The following PTPRD variants were observed in gnomAD, a reference collection of about 807,000 sequenced individuals.
PTPRD encodes the protein receptor-type tyrosine-protein phosphatase delta.
A neutral mutation model predicts 214.5 loss-of-function variants in PTPRD; 34 were observed. The ratio of observed to expected loss-of-function variants is 0.16; its 90% confidence interval spans 0.12 to 0.21. The LOEUF is 0.21. Ranked by LOEUF, PTPRD falls within the 10% of genes least tolerant of loss-of-function variation. The pLI is 1.00. For synonymous variants in PTPRD, 1,128 were observed against 845.7 expected (o/e 1.33, Z -5.79); for missense variants, 2,545 against 2,398.7 (o/e 1.06, Z -1.27).
At chr9:8,327,124 G>T (rs1464157897) in intron 44 of PTPRD, among the ~76,000 whole-genome samples, 3 of 150,512 alleles carry the variant, frequency 2.0e-5, no homozygotes, top group Non-Finnish European at 4.4e-5. Flanking sequence ...TGATGTTAGG[G>T]TGTCGATTTT....
intron 14 of PTPRD, among the ~76,000 whole-genome samples, chr9:8,576,476 G>A (rs1351269752): frequency 6.6e-6 from 1 of 151,700 alleles, no homozygotes; most frequent in African/African-American, 2.4e-5. Context: ...TCACATTTTG[G>A]TTGTATTGTA....
chr9:8,937,116 C>T (rs1433548), intron 11 of PTPRD, among the ~76,000 whole-genome samples: 105,301 of 152,012 alleles, frequency 0.69, 36,802 homozygotes, highest in East Asian at 0.9. Flanking sequence ...GTATTGACTA[C>T]CTGAGAAAAA....
intron 8 of PTPRD, among the ~76,000 whole-genome samples, chr9:9,477,518 A>T (rs1052079101): frequency 3.9e-5 from 6 of 152,196 alleles, no homozygotes; most frequent in African/African-American, 1.4e-4. Flanking sequence ...CTGATTATTC[A>T]TTTCCACACA....
intron 11 of PTPRD, among the ~76,000 whole-genome samples, chr9:8,875,659 G>C (rs10977332): frequency 6.6e-6 from 1 of 151,992 alleles, no homozygotes; most frequent in Non-Finnish European, 1.5e-5. Context: ...GGATGCTCTT[G>C]TATATTATTA....
At chr9:10,096,646 G>A (rs542293483) in intron 3 of PTPRD, among the ~76,000 whole-genome samples, 23 of 152,010 alleles carry the variant, frequency 1.5e-4, no homozygotes, top group South Asian at 1.0e-3. Flanking sequence ...TTAGCCCTTT[G>A]TCAGATGAGT....
intron 9 of PTPRD, among the ~76,000 whole-genome samples, chr9:9,214,208 G>A (rs1260536676): frequency 6.6e-6 from 1 of 152,176 alleles, no homozygotes; most frequent in East Asian, 1.9e-4. Flanking sequence ...CAAAAACACA[G>A]CTGTTGCGTT....
chr9:9,876,413 T>C (rs2066880998), intron 5 of PTPRD, among the ~76,000 whole-genome samples: 1 of 152,100 alleles, frequency 6.6e-6, no homozygotes, highest in Admixed American at 6.6e-5. Context: ...CTGTGAAATT[T>C]CACTTATATT....
chr9:10,092,022 G>C (rs557178024), intron 3 of PTPRD, among the ~76,000 whole-genome samples: 8 of 151,398 alleles, frequency 5.3e-5, no homozygotes, highest in African/African-American at 1.4e-4. Flanking sequence ...GCCTACACTT[G>C]ACTCCTGTCC....
chr9:10,337,845 G>A (rs73644419), intron 3 of PTPRD, among the ~76,000 whole-genome samples: 17 of 151,644 alleles, frequency 1.1e-4, no homozygotes, highest in Admixed American at 7.2e-4. Context: ...AATTTTACCC[G>A]TATAACATTT....
intron 3 of PTPRD, among the ~76,000 whole-genome samples, chr9:10,073,623 C>T (rs1279062240): frequency 1.3e-5 from 2 of 152,002 alleles, no homozygotes; most frequent in Non-Finnish European, 2.9e-5. Flanking sequence ...TGACTAGTTC[C>T]CCTGTCTAGT....
At chr9:8,600,125 T>G (rs2094749905) in intron 14 of PTPRD, among the ~76,000 whole-genome samples, 1 of 152,084 alleles carries the variant, frequency 6.6e-6, no homozygotes. Context: ...ATGGGAGGCT[T>G]TCATCCAACT....
intron 12 of PTPRD, among the ~76,000 whole-genome samples, chr9:8,690,405 T>G (rs1386938294): frequency 6.6e-6 from 1 of 151,648 alleles, no homozygotes; most frequent in Non-Finnish European, 1.5e-5. Flanking sequence ...TGGGTGCCTG[T>G]AGTCCCAGCT....
chr9:9,954,297 CAAAAAAAAAAAAA>C (rs781628679), intron 4 of PTPRD, among the ~76,000 whole-genome samples: 11 of 53,776 alleles, frequency 2.0e-4, no homozygotes, highest in South Asian at 8.5e-4. Flanking sequence ...TGTCTCAAAA[CAAAAAAAAAAAAA>C]AAAAAAAAAA....
intron 11 of PTPRD, among the ~76,000 whole-genome samples, chr9:8,929,577 T>C (rs934913112): frequency 6.6e-6 from 1 of 151,818 alleles, no homozygotes; most frequent in Non-Finnish European, 1.5e-5. Context: ...GATGTGCTGC[T>C]GGATTCGGTT....
chr9:10,091,324 T>C (rs1270861015), intron 3 of PTPRD, among the ~76,000 whole-genome samples: 1 of 151,502 alleles, frequency 6.6e-6, no homozygotes. Flanking sequence ...AAATGTATCA[T>C]TGAGAAGAGT....
At chr9:9,216,327 CCT>C (rs1229153314) in intron 9 of PTPRD, among the ~76,000 whole-genome samples, 1 of 152,148 alleles carries the variant, frequency 6.6e-6, no homozygotes, top group Admixed American at 6.5e-5. Flanking sequence ...TAGCCACTTA[CCT>C]CTCTCTACCT....
At chr9:9,199,025 C>T (rs998987130) in intron 9 of PTPRD, among the ~76,000 whole-genome samples, 2 of 152,002 alleles carry the variant, frequency 1.3e-5, no homozygotes, top group African/African-American at 4.8e-5. Flanking sequence ...TTATATAGTA[C>T]CAAAGACATG....
chr9:9,690,792 T>A (rs2097255945), intron 7 of PTPRD, among the ~76,000 whole-genome samples: 1 of 151,952 alleles, frequency 6.6e-6, no homozygotes, highest in African/African-American at 2.4e-5. Flanking sequence ...TGGACTTATT[T>A]CTGGTCTCTA....
intron 3 of PTPRD, among the ~76,000 whole-genome samples, chr9:10,076,765 GA>G (rs1470414513): frequency 1.3e-5 from 2 of 152,100 alleles, no homozygotes; most frequent in Non-Finnish European, 2.9e-5. Flanking sequence ...ATGTATTTGA[GA>G]AAATCACGCT....
Sources: gnomAD v4.1 joint callset for allele counts (sites outside exome capture counted in the v4.1 genomes callset) on GRCh38, gnomAD v4.1.1 for gene constraint, MANE v1.5 for transcripts, NCBI Gene and HGNC (gene_info 2026-07-23, HGNC 2026-07-21) for gene names.